Variants in OSTF1 observed in about 807,000 individuals in gnomAD.
The protein encoded by OSTF1 is osteoclast stimulating factor 1, also known as osteoclast-stimulating factor 1.
OSTF1 carries 27 observed loss-of-function variants against 37.2 expected under a neutral mutation model. That is an observed-to-expected ratio of 0.73 (90% CI 0.54 to 1.00). The LOEUF (loss-of-function observed/expected upper bound fraction) is 1.00. Ranked by LOEUF, OSTF1 falls within the 50% of genes least tolerant of loss-of-function variation. The probability of loss-of-function intolerance (pLI) is 0.00; values close to 1 mark genes in which losing one functional copy is unlikely to be tolerated. For synonymous variants in OSTF1, 82 were observed against 89.2 expected, an observed-to-expected ratio of 0.92 and a Z score of 0.46; for missense variants, 232 against 253.8, an observed-to-expected ratio of 0.91 and a Z score of 0.58.
At chr9:75,141,284 G>A (rs183266941) in intron 9 of OSTF1, among the ~76,000 whole-genome samples, 1 of 112,388 alleles carries the variant, frequency 8.9e-6, no homozygotes, top group Non-Finnish European at 1.7e-5. Context: ...CTGGGTGAGA[G>A]CAAGACCATA....
In OSTF1 at chr9:75,133,289, T is replaced by G; in HGVS notation, c.251-5T>G. 6.4e-7 allele frequency: 1 copy of G among 1,571,742 alleles called. No homozygotes were observed. Among genetic ancestry groups the G allele is most frequent in the Non-Finnish European group, 8.7e-7 (1 of 1,149,110 alleles). ...TGTGTTCTTGTAAATGTAAAATTCTTTCAGGCAACTTGAGCTGGTTGAGAG... is the reference window on the plus strand; with the variant it reads ...TGTGTTCTTGTAAATGTAAAATTCTGTCAGGCAACTTGAGCTGGTTGAGAG... On this transcript the variant is annotated splice_polypyrimidine_tract_variant and splice_region_variant and intron_variant, in intron 5 of 9. Coordinates refer to ENST00000346234, the MANE Select transcript of OSTF1 (RefSeq NM_012383.5).
At chr9:75,113,437 C>G (rs1408443962) in intron 1 of OSTF1, among the ~76,000 whole-genome samples, 1 of 143,762 alleles carries the variant, frequency 7.0e-6, no homozygotes, top group Non-Finnish European at 1.5e-5. Context: ...CTGCAATATT[C>G]TTTTTTTTTT....
intron 2 of OSTF1, among the ~76,000 whole-genome samples, chr9:75,125,566 T>G (rs1420826819): frequency 6.6e-6 from 1 of 152,234 alleles, no homozygotes; most frequent in Non-Finnish European, 1.5e-5. Flanking sequence ...TGTGTAAGAC[T>G]AGTCTGTGCA....
At chr9:75,128,480 ATATATATATATATATT>A (rs1825704515) in intron 3 of OSTF1, among the ~76,000 whole-genome samples, 1 of 14,914 alleles carries the variant, frequency 6.7e-5, no homozygotes, top group Non-Finnish European at 1.5e-4. Flanking sequence ...TTTTGTCCAT[ATATATATATATATATT>A]TTGTCCATAT....
At chr9:75,093,889 TG>T (rs1825026115) in intron 1 of OSTF1, among the ~76,000 whole-genome samples, 1 of 152,210 alleles carries the variant, frequency 6.6e-6, no homozygotes, top group Admixed American at 6.5e-5. Flanking sequence ...ATGATGGGAA[TG>T]GTTAACATAT....
At chr9:75,142,392 T>A (rs2118638716) in intron 9 of OSTF1, among the ~76,000 whole-genome samples, 1 of 152,286 alleles carries the variant, frequency 6.6e-6, no homozygotes, top group Admixed American at 6.5e-5. Flanking sequence ...CCTAACTTCC[T>A]TTCTCTGCCA....
intron 1 of OSTF1, among the ~76,000 whole-genome samples, chr9:75,111,076 A>G (rs1357053533): frequency 1.3e-5 from 2 of 151,964 alleles, no homozygotes; most frequent in African/African-American, 4.8e-5. Context: ...CCAGTTTTTC[A>G]CCAACAGGAA....
intron 2 of OSTF1, among the ~76,000 whole-genome samples, chr9:75,124,279 A>G (rs928327743): frequency 3.3e-5 from 5 of 152,244 alleles, no homozygotes; most frequent in Admixed American, 1.3e-4. Flanking sequence ...GTTACAAACA[A>G]TCCAATTATA....
chr9:75,125,500 C>T (rs186287776), intron 2 of OSTF1, among the ~76,000 whole-genome samples: 1 of 152,202 alleles, frequency 6.6e-6, no homozygotes, highest in East Asian at 1.9e-4. Flanking sequence ...CAAATAATAT[C>T]AAAATGTGTA....
At chr9:75,141,498 T>A (rs1285399922) in intron 9 of OSTF1, among the ~76,000 whole-genome samples, 1 of 152,142 alleles carries the variant, frequency 6.6e-6, no homozygotes, top group Non-Finnish European at 1.5e-5. Context: ...TAAGTTCTAA[T>A]CACCCTGCTT....
At chr9:75,090,008 G>A (rs1221719820) in intron 1 of OSTF1, among the ~76,000 whole-genome samples, 2 of 152,068 alleles carry the variant, frequency 1.3e-5, no homozygotes, top group Non-Finnish European at 2.9e-5. Flanking sequence ...GGCAAAGATG[G>A]GGCACAGCTA....
intron 2 of OSTF1, among the ~76,000 whole-genome samples, chr9:75,125,950 C>T (rs1359087580): frequency 6.6e-6 from 1 of 152,164 alleles, no homozygotes; most frequent in African/African-American, 2.4e-5. Flanking sequence ...TGCTCTGTCA[C>T]TCAGGCTGGA....
At chr9:75,143,789 A>G (rs1352619986) in intron 9 of OSTF1, among the ~76,000 whole-genome samples, 1 of 152,214 alleles carries the variant, frequency 6.6e-6, no homozygotes, top group Non-Finnish European at 1.5e-5. Context: ...TATGCGTGCT[A>G]TGCCCAGAGG....
intron 1 of OSTF1, among the ~76,000 whole-genome samples, chr9:75,112,513 G>A (rs573916685): frequency 6.6e-6 from 1 of 152,260 alleles, no homozygotes; most frequent in Admixed American, 6.5e-5. Context: ...AATAAATAAG[G>A]TTGTGTATGT....
At chr9:75,103,825 A>G (rs989858541) in intron 1 of OSTF1, among the ~76,000 whole-genome samples, 32 of 152,130 alleles carry the variant, frequency 2.1e-4, no homozygotes, top group African/African-American at 5.3e-4. Context: ...TTTGTAGACA[A>G]GGTCTTGTTG....
intron 9 of OSTF1, among the ~76,000 whole-genome samples, chr9:75,143,540 T>C (rs1376827688): frequency 2.0e-5 from 3 of 152,198 alleles, no homozygotes; most frequent in Non-Finnish European, 4.4e-5. Context: ...GAACTTTATG[T>C]AAATGGAATC....
intron 1 of OSTF1, among the ~76,000 whole-genome samples, chr9:75,112,121 CTTT>C (rs35036131): frequency 4.9e-5 from 7 of 143,134 alleles, no homozygotes; most frequent in African/African-American, 5.1e-5. Context: ...CAGCCTACTG[CTTT>C]TTTTTTTTTT....
chr9:75,141,861 T>C (rs1327851910), intron 9 of OSTF1, among the ~76,000 whole-genome samples: 3 of 152,068 alleles, frequency 2.0e-5, no homozygotes, highest in Admixed American at 6.5e-5. Context: ...GATCCTCCCA[T>C]CTCAGCTTCC....
chr9:75,099,485 T>C (rs527275380), intron 1 of OSTF1, among the ~76,000 whole-genome samples: 1 of 152,160 alleles, frequency 6.6e-6, no homozygotes, highest in South Asian at 2.1e-4. Context: ...GGGGTCTCCA[T>C]AGTGGGACCT....
Sources: allele counts gnomAD v4.1 joint callset (sites outside exome capture counted in the v4.1 genomes callset), GRCh38; gene constraint gnomAD v4.1.1; transcripts MANE v1.5; gene names NCBI Gene and HGNC (gene_info 2026-07-23, HGNC 2026-07-21).